Variants in RPL39L observed in about 807,000 individuals in gnomAD.
RPL39L encodes ribosomal protein eL39-like 2.
For missense variants in RPL39L, 48 were observed against 58.9 expected (o/e 0.81, Z 0.61); for synonymous variants, 16 against 20.1 (o/e 0.80, Z 0.55).
intron 2 of RPL39L, among the ~76,000 whole-genome samples, chr3:187,121,987 T>C (rs898144153): frequency 6.6e-6 from 1 of 152,154 alleles, no homozygotes. Context: ...TGGTTGAAAA[T>C]AGAAACCTAT....
At chr3:187,130,910 A>T (rs1720474315) in intron 1 of RPL39L, among the ~76,000 whole-genome samples, 1 of 152,108 alleles carries the variant, frequency 6.6e-6, no homozygotes, top group South Asian at 2.1e-4. Flanking sequence ...TCTGCATCAC[A>T]TGACATTTGT....
chr3:187,130,940 CTCTG>C (rs1331347222), intron 1 of RPL39L, among the ~76,000 whole-genome samples: 1 of 152,188 alleles, frequency 6.6e-6, no homozygotes, highest in Non-Finnish European at 1.5e-5. Flanking sequence ...GCACAACTGT[CTCTG>C]TATTTCATGC....
At chr3:187,129,309 A>T (rs1720449266) in intron 1 of RPL39L, among the ~76,000 whole-genome samples, 1 of 152,230 alleles carries the variant, frequency 6.6e-6, no homozygotes, top group South Asian at 2.1e-4. Flanking sequence ...GAAAAGCCAC[A>T]CACACTGAAC....
chr3:187,128,318 A>G (rs953481321), intron 1 of RPL39L, among the ~76,000 whole-genome samples: 1 of 152,214 alleles, frequency 6.6e-6, no homozygotes, highest in African/African-American at 2.4e-5. Context: ...CATTAATAAA[A>G]TGTGGGATGT....
At chr3:187,135,600 C>T (rs1285732498) in intron 1 of RPL39L, among the ~76,000 whole-genome samples, 4 of 152,182 alleles carry the variant, frequency 2.6e-5, no homozygotes, top group African/African-American at 4.8e-5. Flanking sequence ...TGCCCAGTCT[C>T]GGGTATGTCT....
At chr3:187,126,344 T>G (rs934071827) in intron 2 of RPL39L, among the ~76,000 whole-genome samples, 1 of 152,014 alleles carries the variant, frequency 6.6e-6, no homozygotes, top group East Asian at 1.9e-4. Context: ...TTATATTTTT[T>G]GTAGAGATGG....
chr3:187,135,749 C>T (rs1355101350), intron 1 of RPL39L, among the ~76,000 whole-genome samples: 1 of 152,178 alleles, frequency 6.6e-6, no homozygotes, highest in Non-Finnish European at 1.5e-5. Context: ...TTTTGCCTTG[C>T]TATAAAGGAA....
At chr3:187,126,121 A>G (rs1720392807) in intron 2 of RPL39L, among the ~76,000 whole-genome samples, 1 of 151,994 alleles carries the variant, frequency 6.6e-6, no homozygotes, top group Non-Finnish European at 1.5e-5. Flanking sequence ...TAGACTAAAA[A>G]TAAGAACTTT....
chr3:187,134,483 T>TAA (rs72169562), intron 1 of RPL39L, among the ~76,000 whole-genome samples: 2,965 of 93,356 alleles, frequency 0.032, 138 homozygotes, highest in East Asian at 0.11. Flanking sequence ...GCCTGACTGA[T>TAA]AAAAAAAAAA....
chr3:187,124,097 A>C (rs1720358305), intron 2 of RPL39L, among the ~76,000 whole-genome samples: 1 of 152,198 alleles, frequency 6.6e-6, no homozygotes, highest in Non-Finnish European at 1.5e-5. Flanking sequence ...TTTTACCTTA[A>C]AAGGAATGAT....
In RPL39L at chr3:187,134,404, C is replaced by T. The variant is rs76251828; in HGVS notation, c.-93+4809G>A. On this transcript the variant is annotated intron_variant, in intron 1 of 2. Transcript: ENST00000296277. Reference sequence around the variant, plus strand: ...AGGGATGCTGCTGAACATCCTATAACGTACAGGTGAGCCTCATACGACAAA... The same window carrying T: ...AGGGATGCTGCTGAACATCCTATAATGTACAGGTGAGCCTCATACGACAAA... Among the ~76,000 whole-genome samples the T allele has an allele frequency of 5.8e-3, 864 of 147,990 alleles. 16 individuals carry two copies. Among genetic ancestry groups the T allele is most frequent in the East Asian group, 0.053 (267 of 5,042 alleles).
intron 1 of RPL39L, among the ~76,000 whole-genome samples, chr3:187,136,256 T>A (rs982867244): frequency 1.5e-4 from 23 of 152,240 alleles, no homozygotes; most frequent in Non-Finnish European, 5.9e-5. Context: ...GTGGTGTGAC[T>A]GACAAAAAGA....
chr3:187,139,036 C>A (rs533536109), intron 1 of RPL39L, among the ~76,000 whole-genome samples, 177 bp downstream of exon 1: 13 of 151,446 alleles, frequency 8.6e-5, no homozygotes, highest in Non-Finnish European at 1.9e-4. Context: ...CCAGCCTGGG[C>A]GACGGAGGGA....
intron 1 of RPL39L, among the ~76,000 whole-genome samples, chr3:187,138,164 T>C (rs1183795417): frequency 3.9e-5 from 6 of 152,178 alleles, no homozygotes; most frequent in Non-Finnish European, 8.8e-5. Context: ...TTTATATAGT[T>C]ACATGACAGC....
intron 2 of RPL39L, among the ~76,000 whole-genome samples, chr3:187,127,449 G>A (rs1364288155): frequency 2.0e-5 from 3 of 152,328 alleles, no homozygotes; most frequent in Admixed American, 6.5e-5. Context: ...CACCTGTGTG[G>A]AGAAGGGCTG....
chr3:187,133,650 T>G (rs553575191), intron 1 of RPL39L, among the ~76,000 whole-genome samples: 1 of 152,068 alleles, frequency 6.6e-6, no homozygotes, highest in Non-Finnish European at 1.5e-5. Flanking sequence ...TCTACCAAGA[T>G]AGCAAGCACC....
At chr3:187,135,804 G>A (rs758173509) in intron 1 of RPL39L, among the ~76,000 whole-genome samples, 4 of 152,212 alleles carry the variant, frequency 2.6e-5, no homozygotes, top group Non-Finnish European at 5.9e-5. Flanking sequence ...TTGGCTTATG[G>A]TTTTGCAGGT....
Position 187,121,326 on chromosome 3 carries a change from C to G in RPL39L, c.-26G>C. On this transcript the variant is annotated splice_region_variant and 5_prime_UTR_variant, in exon 3 of 3. Transcript: ENST00000296277. ...GGCGAGAAACAGAGTCAACCACACA[C>G]CACTATGGCGGAGAAAGGGAGAGAG... 6.2e-7 allele frequency: 1 copy of G among 1,612,856 alleles called. No homozygotes were observed. The highest frequency in any genetic ancestry group is 8.5e-7 in the Non-Finnish European group (1 of 1,179,232).
chr3:187,129,621 T>C (rs1003794246), intron 1 of RPL39L, among the ~76,000 whole-genome samples: 1 of 152,222 alleles, frequency 6.6e-6, no homozygotes, highest in Non-Finnish European at 1.5e-5. Flanking sequence ...TAAATGGTGT[T>C]TACCTGGTCT....
Sources: gnomAD v4.1 joint callset for allele counts (sites outside exome capture counted in the v4.1 genomes callset) on GRCh38, gnomAD v4.1.1 for gene constraint, MANE v1.5 for transcripts, NCBI Gene and HGNC (gene_info 2026-07-23, HGNC 2026-07-21) for gene names.